Variants in GRM7 observed in about 807,000 individuals in gnomAD.
GRM7 encodes the protein metabotropic glutamate receptor 7.
GRM7 carries 35 observed loss-of-function variants against 84.5 expected under a neutral mutation model. The observed-to-expected ratio is 0.41, with a 90% CI of 0.32 to 0.55. The LOEUF is 0.55. Ranked by LOEUF, GRM7 falls within the 20% of genes least tolerant of loss-of-function variation. GRM7 has a pLI of 0.19. For synonymous variants in GRM7, 487 were observed against 455.1 expected, an observed-to-expected ratio of 1.07 and a Z score of -0.89; for missense variants, 1,003 against 1,194.6, an observed-to-expected ratio of 0.84 and a Z score of 2.36.
intron 2 of GRM7, among the ~76,000 whole-genome samples, chr3:7,217,138 C>T (rs140992284): frequency 1.2e-3 from 179 of 152,154 alleles, no homozygotes; most frequent in East Asian, 7.1e-3. Context: ...AAAAAAGGAG[C>T]TAATTTGAAA....
intron 9 of GRM7, among the ~76,000 whole-genome samples, chr3:7,733,699 T>C (rs555318505): frequency 1.3e-5 from 2 of 152,220 alleles, no homozygotes; most frequent in South Asian, 2.1e-4. Flanking sequence ...GACACTACCC[T>C]GAATTTGTTA....
At chr3:7,153,711 C>T (rs1694358754) in intron 2 of GRM7, among the ~76,000 whole-genome samples, 1 of 151,888 alleles carries the variant, frequency 6.6e-6, no homozygotes, top group Non-Finnish European at 1.5e-5. Context: ...TGTACTTATG[C>T]AATATGTATC....
chr3:7,260,831 T>C (rs1698394535), intron 2 of GRM7, among the ~76,000 whole-genome samples: 1 of 152,178 alleles, frequency 6.6e-6, no homozygotes, highest in Non-Finnish European at 1.5e-5. Context: ...TTGAGATCTT[T>C]CTAACTTTTT....
At chr3:7,560,034 G>T (rs1333264053) in intron 7 of GRM7, among the ~76,000 whole-genome samples, 2 of 152,008 alleles carry the variant, frequency 1.3e-5, no homozygotes, top group Non-Finnish European at 2.9e-5. Context: ...TCATATTGGG[G>T]GTTAGGGATT....
At chr3:7,246,373 G>A (rs1340254289) in intron 2 of GRM7, among the ~76,000 whole-genome samples, 1 of 152,118 alleles carries the variant, frequency 6.6e-6, no homozygotes, top group Non-Finnish European at 1.5e-5. Context: ...CACATCTTTT[G>A]CAGGAGCCCT....
intron 7 of GRM7, among the ~76,000 whole-genome samples, chr3:7,464,558 C>T (rs1050015641): frequency 6.6e-6 from 1 of 151,962 alleles, no homozygotes; most frequent in Non-Finnish European, 1.5e-5. Flanking sequence ...CAGCCAGGTG[C>T]AGTGGCTCAT....
chr3:7,111,481 A>G (rs1320202519), intron 1 of GRM7, among the ~76,000 whole-genome samples: 5 of 152,114 alleles, frequency 3.3e-5, no homozygotes, highest in Admixed American at 3.3e-4. Context: ...CAAATTATAA[A>G]GAGGCAGGAG....
chr3:7,453,120 G>A (rs1017160511), intron 6 of GRM7, among the ~76,000 whole-genome samples: 1 of 151,222 alleles, frequency 6.6e-6, no homozygotes, highest in African/African-American at 2.4e-5. Flanking sequence ...AGCAGTTGCT[G>A]TAGGTACCTC....
At chr3:7,465,565 G>A (rs769167373) in intron 7 of GRM7, among the ~76,000 whole-genome samples, 13 of 152,158 alleles carry the variant, frequency 8.5e-5, no homozygotes, top group Non-Finnish European at 1.6e-4. Flanking sequence ...TCCTTTTGCT[G>A]TAATTATTCT....
chr3:7,398,339 A>G (rs1210146212), intron 4 of GRM7, among the ~76,000 whole-genome samples: 1 of 152,134 alleles, frequency 6.6e-6, no homozygotes, highest in Non-Finnish European at 1.5e-5. Flanking sequence ...TATGGAAGTT[A>G]TAGAGAACAT....
At chr3:7,539,685 A>C (rs974443330) in intron 7 of GRM7, among the ~76,000 whole-genome samples, 4 of 151,890 alleles carry the variant, frequency 2.6e-5, no homozygotes, top group African/African-American at 9.6e-5. Flanking sequence ...AAAAAAAAAA[A>C]AAAAAAAAAA....
At chr3:6,895,905 C>T (rs1696164229) in intron 1 of GRM7, among the ~76,000 whole-genome samples, 1 of 151,220 alleles carries the variant, frequency 6.6e-6, no homozygotes, top group Non-Finnish European at 1.5e-5. Context: ...CCCAATATGA[C>T]ATGAGGTGCA....
intron 1 of GRM7, among the ~76,000 whole-genome samples, chr3:7,134,804 C>T (rs1693720216): frequency 6.6e-6 from 1 of 152,142 alleles, no homozygotes; most frequent in African/African-American, 2.4e-5. Flanking sequence ...CCACCTATAA[C>T]AGGTTGTTGC....
chr3:6,878,916 T>A (rs1695411391), intron 1 of GRM7, among the ~76,000 whole-genome samples: 1 of 152,164 alleles, frequency 6.6e-6, no homozygotes, highest in Admixed American at 6.5e-5. Context: ...CAGGTGCTGC[T>A]ATCACTGGTC....
At chr3:7,604,437 G>A (rs1696464470) in intron 8 of GRM7, among the ~76,000 whole-genome samples, 2 of 152,094 alleles carry the variant, frequency 1.3e-5, no homozygotes, top group African/African-American at 4.8e-5. Context: ...ATTTTACCAG[G>A]TTTCCCCTGC....
chr3:7,695,541 A>G (rs1363124914), intron 9 of GRM7, among the ~76,000 whole-genome samples: 2 of 152,196 alleles, frequency 1.3e-5, no homozygotes, highest in South Asian at 2.1e-4. Flanking sequence ...ATAGTCTTCC[A>G]TAACTGTTGC....
chr3:6,921,910 G>A (rs553245189), intron 1 of GRM7, among the ~76,000 whole-genome samples: 3 of 152,186 alleles, frequency 2.0e-5, no homozygotes, highest in Non-Finnish European at 2.9e-5. Flanking sequence ...CGAGATGCTG[G>A]GACTGACTGT....
intron 7 of GRM7, among the ~76,000 whole-genome samples, chr3:7,578,059 C>T (rs867708808): frequency 6.6e-6 from 1 of 152,140 alleles, no homozygotes; most frequent in African/African-American, 2.4e-5. Context: ...AGAGTGCATG[C>T]CAGTTTTTCT....
At chr3:7,200,610 G>A (rs901669302) in intron 2 of GRM7, among the ~76,000 whole-genome samples, 2 of 152,148 alleles carry the variant, frequency 1.3e-5, no homozygotes, top group Admixed American at 6.5e-5. Flanking sequence ...CACGTGAAAG[G>A]AACAGACTGC....
Sources: gnomAD v4.1 joint callset for allele counts (sites outside exome capture counted in the v4.1 genomes callset) on GRCh38, gnomAD v4.1.1 for gene constraint, MANE v1.5 for transcripts, NCBI Gene and HGNC (gene_info 2026-07-23, HGNC 2026-07-21) for gene names.